The following ARHGEF10L variants were observed in gnomAD, a reference collection of about 807,000 sequenced individuals.
The protein encoded by ARHGEF10L is Rho guanine nucleotide exchange factor 10 like, also known as rho guanine nucleotide exchange factor 10-like protein.
Under a neutral mutation model 141.2 loss-of-function variants are expected in ARHGEF10L, and 69 were observed. That is an observed-to-expected ratio of 0.49 (90% CI 0.40 to 0.60). The LOEUF is 0.60. Ranked by LOEUF, ARHGEF10L falls within the 20% of genes least tolerant of loss-of-function variation. The pLI is 0.00. For synonymous variants in ARHGEF10L, 711 were observed against 718.5 expected (o/e 0.99, Z 0.17); for missense variants, 1,482 against 1,734.3 (o/e 0.85, Z 2.58).
chr1:17,616,484 C>A (rs550920152), intron 9 of ARHGEF10L, among the ~76,000 whole-genome samples: 1 of 152,320 alleles, frequency 6.6e-6, no homozygotes, highest in African/African-American at 2.4e-5. Flanking sequence ...GGCCTCCTGC[C>A]CCCTGCGCTG....
At position 17,656,073 on chromosome 1, in the gene ARHGEF10L, A is replaced by G. The variant is rs1346652915; in HGVS notation, c.2676A>G (p.Pro892=). The change falls in exon 24 of 29, where the codon CCA becomes CCG. Residue 892 remains proline, a synonymous_variant. Coordinates refer to ENST00000361221, the MANE Select transcript of ARHGEF10L (RefSeq NM_018125.4). The surrounding 1 kb of genome is among the most constrained non-coding windows in gnomAD (Gnocchi z 4.9). The part of the protein sequence containing the change: ...TVADPSATVH[P]TICLGLQDGS... ...CTGACCCCTCGGCCACGGTGCATCC[A>G]ACCATCTGCCTCGGGCTCCAGGATG... 1 of 1,558,136 alleles carries G rather than the reference A, an allele frequency of 6.4e-7. No individual in the cohort carries two copies.
intron 1 of ARHGEF10L, among the ~76,000 whole-genome samples, chr1:17,563,202 G>T (rs551084745): frequency 3.3e-5 from 5 of 152,110 alleles, no homozygotes; most frequent in Non-Finnish European, 7.4e-5. Context: ...CAGGCACAGG[G>T]CTAGGATCAG....
chr1:17,674,504 C>G (rs1405967928), intron 26 of ARHGEF10L, among the ~76,000 whole-genome samples: 1 of 152,212 alleles, frequency 6.6e-6, no homozygotes, highest in African/African-American at 2.4e-5. Flanking sequence ...ACACCTGCCA[C>G]TGATCCGAGG....
At chr1:17,601,333 C>T (rs1031476788) in intron 4 of ARHGEF10L, among the ~76,000 whole-genome samples, 3 of 152,204 alleles carry the variant, frequency 2.0e-5, no homozygotes, top group Non-Finnish European at 2.9e-5. Context: ...CTGCTGTTTC[C>T]CATTTGCATG....
At position 17,687,774 on chromosome 1, in the gene ARHGEF10L, C is replaced by T. The variant is rs200425482; in HGVS notation, c.3184+27C>T. On this transcript the variant is annotated intron_variant, in intron 27 of 28. Coordinates refer to ENST00000361221, the MANE Select transcript of ARHGEF10L (RefSeq NM_018125.4). ...TGAGGCTGCCTCGGGCACGGGGGAG[C>T]GGACAGTCACAGAGCACCTTCCACG... 1,388 of 1,551,250 alleles carry T rather than the reference C, an allele frequency of 8.9e-4. 2 individuals carry two copies. The highest frequency in any genetic ancestry group is 1.7e-3 in the Middle Eastern group (10 of 5,760).
In ARHGEF10L at chr1:17,648,623, C is replaced by A; in HGVS notation, c.2342C>A (p.Pro781Gln). ...AAGAGCAAAGCCCCATTCTGGTGCC[C>A]GATCCTGGCCTGCTGCATCCCTGCC... is the stretch of plus-strand genomic sequence containing the variant. Reference protein sequence around the residue: ...DKKSKAPFWCPILACCIPAFS... With the variant: ...DKKSKAPFWCQILACCIPAFS... The change falls in exon 22 of 29, where the codon CCG becomes CAG. Residue 781 changes from proline (P) to glutamine (Q), a missense_variant. This residue lies in a region of ARHGEF10L where 858 missense variants were observed against 966.3 expected (regional missense o/e 0.89). Coordinates refer to ENST00000361221, the MANE Select transcript of ARHGEF10L (RefSeq NM_018125.4). 6.2e-7 allele frequency: 1 copy of A among 1,613,354 alleles called. No individual in the cohort carries two copies. The highest frequency in any genetic ancestry group is 8.5e-7 in the Non-Finnish European group (1 of 1,180,030).
In ARHGEF10L at chr1:17,627,278, G is replaced by A. The variant is rs2060441161; in HGVS notation, c.1411-52G>A. On this transcript the variant is annotated intron_variant, in intron 14 of 28. Coordinates refer to ENST00000361221, the MANE Select transcript of ARHGEF10L (RefSeq NM_018125.4). This position sits in a 1 kb window ranked among gnomAD's most constrained non-coding sequence, Gnocchi z 4.0. ...GCAGGGTGAGGCTTTGCCCCAGGCT[G>A]GGGTAGAGTTGGTCATGGGTGGGCT... 1 of 1,589,478 alleles carries A rather than the reference G, an allele frequency of 6.3e-7. No homozygotes were observed. The highest frequency in any genetic ancestry group is 8.6e-7 in the Non-Finnish European group (1 of 1,163,712).
At chr1:17,602,255 A>AT in intron 5 of ARHGEF10L, 37 bp downstream of exon 5, 1 of 1,544,430 alleles carries the variant, frequency 6.5e-7, no homozygotes, top group Non-Finnish European at 8.8e-7. Flanking sequence ...CACCCCAGGT[A>AT]GCAAGCTCCA....
At position 17,627,520 on chromosome 1, in the gene ARHGEF10L, A is replaced by G. The variant is rs1462122607; in HGVS notation, c.1584+17A>G. 6.2e-7 allele frequency: 1 copy of G among 1,607,906 alleles called. No individual in the cohort carries two copies. Among genetic ancestry groups the G allele is most frequent in the Admixed American group, 1.7e-5 (1 of 59,652 alleles). ...CTCAACAAGGTGAGCTGGGCCTCCC[A>G]CCTGCCTGCCCTCACCTGCCTGCCC... On this transcript the variant is annotated intron_variant, in intron 15 of 28. Transcript: ENST00000361221. The surrounding 1 kb of genome is among the most constrained non-coding windows in gnomAD (Gnocchi z 4.0).
chr1:17,676,261 T>C (rs1286444796), intron 26 of ARHGEF10L, among the ~76,000 whole-genome samples: 5 of 139,960 alleles, frequency 3.6e-5, no homozygotes, highest in African/African-American at 8.3e-5. Context: ...TGGGTGCAGG[T>C]GTGGGTGCAG....
intron 14 of ARHGEF10L, 104 bp downstream of exon 14, chr1:17,626,152 C>T (rs1557861919): frequency 2.2e-6 from 2 of 900,850 alleles, no homozygotes; most frequent in Non-Finnish European, 3.5e-6. Context: ...TGTCCGTGAT[C>T]CATAACCCAC....
intron 3 of ARHGEF10L, among the ~76,000 whole-genome samples, chr1:17,588,072 G>T (rs978609535): frequency 1.3e-5 from 2 of 152,148 alleles, no homozygotes; most frequent in African/African-American, 4.8e-5. Flanking sequence ...GCAGCTTCTG[G>T]GCTCTTAGAG....
At chr1:17,618,487 G>A in intron 9 of ARHGEF10L, 4 of 1,464,356 alleles carry the variant, frequency 2.7e-6, no homozygotes, top group Admixed American at 2.5e-5. Context: ...GTCATCCGCT[G>A]TCCCTCCTCC....
the ARHGEF10L span, among the ~76,000 whole-genome samples, chr1:17,514,328 G>A: frequency 6.6e-6 from 1 of 151,658 alleles, no homozygotes; most frequent in South Asian, 2.1e-4. Context: ...TAGAGACAGG[G>A]TTTTGCCATG....
chr1:17,634,905 C>A lies in ARHGEF10L; in HGVS notation c.1816C>A (p.Pro606Thr). Residue 606 changes from proline to threonine, a missense_variant, in exon 18 of 29, where the codon CCC (proline) becomes ACC (threonine). By Grantham distance (38) the Pro-to-Thr change is conservative. This residue lies in a region of ARHGEF10L where 858 missense variants were observed against 966.3 expected (regional missense o/e 0.89). Transcript: ENST00000361221. The part of the protein sequence containing the change: ...KYVVKWNTAL[P>T]QVQVVEVGQD... Reference sequence around the variant, plus strand: ...TGTGGTGAAGTGGAACACGGCGCTGCCCCAGGTGCAGGTGGTGGAGGTGGG... The same window carrying A: ...TGTGGTGAAGTGGAACACGGCGCTGACCCAGGTGCAGGTGGTGGAGGTGGG... The A allele has an allele frequency of 6.2e-7, 1 of 1,614,068 alleles. No individual in the cohort carries two copies. The highest frequency in any genetic ancestry group is 8.5e-7 in the Non-Finnish European group (1 of 1,179,976).
intron 1 of ARHGEF10L, among the ~76,000 whole-genome samples, chr1:17,542,857 T>G (rs1002221149): frequency 6.6e-6 from 1 of 152,198 alleles, no homozygotes; most frequent in African/African-American, 2.4e-5. Flanking sequence ...TGGGACTCCC[T>G]GGCCACTCAG....
At chr1:17,681,673 G>A (rs2064138579) in intron 26 of ARHGEF10L, among the ~76,000 whole-genome samples, 1 of 152,218 alleles carries the variant, frequency 6.6e-6, no homozygotes, top group Non-Finnish European at 1.5e-5. Context: ...CCTCGGGGAG[G>A]AAGAAGAGCA....
chr1:17,609,906 C>A (rs904762071), intron 7 of ARHGEF10L, among the ~76,000 whole-genome samples: 1 of 152,118 alleles, frequency 6.6e-6, no homozygotes, highest in Admixed American at 6.5e-5. Flanking sequence ...CCACTCCCCC[C>A]AGTAGCCTCT....
chr1:17,611,725 G>A (rs1428888543), intron 7 of ARHGEF10L, among the ~76,000 whole-genome samples: 1 of 152,040 alleles, frequency 6.6e-6, no homozygotes, highest in East Asian at 1.9e-4. Flanking sequence ...TACTATTATG[G>A]CCACTTTACC....
Sources: allele counts gnomAD v4.1 joint callset (sites outside exome capture counted in the v4.1 genomes callset), GRCh38; gene constraint gnomAD v4.1.1; regional missense constraint gnomAD v4.1.1; non-coding constraint Gnocchi (gnomAD v3.1); transcripts MANE v1.5; gene names NCBI Gene and HGNC (gene_info 2026-07-23, HGNC 2026-07-21).